Variants in POU6F2 observed in about 807,000 individuals in gnomAD.
POU6F2 encodes the protein POU class 6 homeobox 2, also known as POU domain, class 6, transcription factor 2.
POU6F2 carries 31 observed loss-of-function variants against 71.3 expected under a neutral mutation model. The ratio of observed to expected loss-of-function variants is 0.43; its 90% CI spans 0.33 to 0.59. POU6F2 has a LOEUF of 0.59. Among genes scored for constraint, POU6F2 ranks in the 20% least tolerant of loss-of-function variants. The probability of loss-of-function intolerance (pLI) is 0.04; values close to 1 mark genes in which losing one functional copy is unlikely to be tolerated. For missense variants in POU6F2, 783 were observed against 856.8 expected, an observed-to-expected ratio of 0.91 and a Z score of 1.07; for synonymous variants, 347 against 355.7, an observed-to-expected ratio of 0.98 and a Z score of 0.27.
intron 1 of POU6F2, among the ~76,000 whole-genome samples, chr7:39,028,913 T>C (rs1321442132): frequency 6.6e-6 from 1 of 152,092 alleles, no homozygotes; most frequent in African/African-American, 2.4e-5. Flanking sequence ...CAAGCAATCC[T>C]CCCACCTCAG....
At chr7:39,028,391 A>G (rs547333307) in intron 1 of POU6F2, among the ~76,000 whole-genome samples, 1 of 152,182 alleles carries the variant, frequency 6.6e-6, no homozygotes, top group African/African-American at 2.4e-5. Context: ...ATCTTAACCC[A>G]TTTCAACATT....
At chr7:39,071,755 A>G (rs1790886295) in intron 1 of POU6F2, among the ~76,000 whole-genome samples, 3 of 151,922 alleles carry the variant, frequency 2.0e-5, no homozygotes. Flanking sequence ...CAACAAATCA[A>G]ACTGTTTTCC....
intron 1 of POU6F2, among the ~76,000 whole-genome samples, chr7:39,012,191 A>G (rs897024199): frequency 2.0e-5 from 3 of 152,014 alleles, no homozygotes; most frequent in African/African-American, 7.3e-5. Context: ...CTTTTCACAT[A>G]GTCCCATATT....
intron 1 of POU6F2, among the ~76,000 whole-genome samples, chr7:39,049,340 TGTTTTAA>T (rs1437306644): frequency 1.3e-5 from 2 of 152,030 alleles, no homozygotes; most frequent in Admixed American, 1.3e-4. Flanking sequence ...TTTTAAGCAC[TGTTTTAA>T]ATGCATGATA....
At chr7:39,152,000 G>A (rs564179640) in intron 2 of POU6F2, among the ~76,000 whole-genome samples, 1 of 152,120 alleles carries the variant, frequency 6.6e-6, no homozygotes, top group African/African-American at 2.4e-5. Context: ...TAGCCAAGAG[G>A]GCTCACGATA....
At chr7:39,403,288 A>G (rs1407353961) in intron 5 of POU6F2, among the ~76,000 whole-genome samples, 1 of 152,218 alleles carries the variant, frequency 6.6e-6, no homozygotes, top group Admixed American at 6.5e-5. Flanking sequence ...AGACTCCAGA[A>G]GTAGAACTTG....
chr7:39,340,061 C>T (rs1335021320), intron 5 of POU6F2, 46 bp downstream of exon 5: 2 of 1,546,498 alleles, frequency 1.3e-6, no homozygotes, highest in African/African-American at 1.4e-5. Flanking sequence ...CACCAAGGAC[C>T]TTTCCATGGG....
chr7:39,323,459 T>A (rs761003629), intron 4 of POU6F2, among the ~76,000 whole-genome samples: 6 of 152,204 alleles, frequency 3.9e-5, no homozygotes, highest in Non-Finnish European at 5.9e-5. Context: ...TGTTTCTATG[T>A]GTGGAAGTGG....
chr7:39,209,466 A>G (rs372324144), intron 4 of POU6F2, among the ~76,000 whole-genome samples: 1 of 152,124 alleles, frequency 6.6e-6, no homozygotes, highest in African/African-American at 2.4e-5. Flanking sequence ...AATTTGACTG[A>G]CGTTGGAGGG....
At chr7:39,454,659 TA>T (rs1788744259) in intron 8 of POU6F2, among the ~76,000 whole-genome samples, 1 of 10,036 alleles carries the variant, frequency 1.0e-4, no homozygotes, top group East Asian at 2.0e-3. Context: ...ACCAGGGATA[TA>T]TATATATATA....
chr7:39,411,390 T>C (rs1242355466), intron 6 of POU6F2, among the ~76,000 whole-genome samples: 1 of 152,212 alleles, frequency 6.6e-6, no homozygotes, highest in Non-Finnish European at 1.5e-5. Flanking sequence ...AATTTTATTA[T>C]ATACTGGTGC....
At chr7:39,434,448 G>A (rs1367977480) in intron 7 of POU6F2, among the ~76,000 whole-genome samples, 1 of 151,980 alleles carries the variant, frequency 6.6e-6, no homozygotes, top group Non-Finnish European at 1.5e-5. Context: ...TGGTTATGAG[G>A]ATTAAATGAG....
intron 5 of POU6F2, among the ~76,000 whole-genome samples, chr7:39,394,624 C>T (rs1454956737): frequency 2.6e-5 from 4 of 152,220 alleles, no homozygotes; most frequent in African/African-American, 4.8e-5. Context: ...GTGCTGTGGA[C>T]ATTCAGAGCA....
chr7:39,449,584 T>G (rs192467436), intron 7 of POU6F2, among the ~76,000 whole-genome samples: 2 of 152,154 alleles, frequency 1.3e-5, no homozygotes, highest in East Asian at 3.9e-4. Flanking sequence ...ATCCAATAGT[T>G]CCACTCCTAG....
intron 5 of POU6F2, among the ~76,000 whole-genome samples, chr7:39,402,511 C>T (rs978140688): frequency 6.6e-6 from 1 of 152,080 alleles, no homozygotes; most frequent in Non-Finnish European, 1.5e-5. Flanking sequence ...AATTAGACTC[C>T]AAAATGGGTG....
chr7:39,324,215 C>T (rs771878755), intron 4 of POU6F2, among the ~76,000 whole-genome samples: 1 of 151,990 alleles, frequency 6.6e-6, no homozygotes, highest in Non-Finnish European at 1.5e-5. Context: ...ATATGGAAAC[C>T]ATCTGAGGGG....
At chr7:39,056,700 G>GTGTGTA (rs1432366680) in intron 1 of POU6F2, among the ~76,000 whole-genome samples, 1 of 151,162 alleles carries the variant, frequency 6.6e-6, no homozygotes, top group East Asian at 2.0e-4. Context: ...GTGTGTGTGT[G>GTGTGTA]TGTGTAGGTG....
At chr7:39,203,014 T>C (rs1203836297) in intron 2 of POU6F2, among the ~76,000 whole-genome samples, 1 of 152,246 alleles carries the variant, frequency 6.6e-6, no homozygotes, top group Non-Finnish European at 1.5e-5. Context: ...TTAATCCTAT[T>C]ATAAAATGCT....
intron 1 of POU6F2, among the ~76,000 whole-genome samples, chr7:38,985,415 A>C (rs1048118782): frequency 2.0e-5 from 3 of 152,084 alleles, no homozygotes; most frequent in Non-Finnish European, 4.4e-5. Context: ...TTTGGGCCGA[A>C]ACAATTTTAT....
Sources: gnomAD v4.1 joint callset for allele counts (sites outside exome capture counted in the v4.1 genomes callset) on GRCh38, gnomAD v4.1.1 for gene constraint, MANE v1.5 for transcripts, NCBI Gene and HGNC (gene_info 2026-07-23, HGNC 2026-07-21) for gene names.